KLHL6: variants seen among roughly 807,000 people sequenced by gnomAD.
KLHL6 encodes the protein kelch-like protein 6.
KLHL6 carries 41 observed loss-of-function variants against 58.6 expected under a neutral mutation model. The observed-to-expected ratio is 0.70, with a 90% confidence interval of 0.55 to 0.91. The LOEUF (loss-of-function observed/expected upper bound fraction) is 0.91, where lower values mean the gene tolerates loss of function less well. Ranked by LOEUF, KLHL6 falls within the 40% of genes least tolerant of loss-of-function variation. The pLI, the probability that KLHL6 is intolerant of heterozygous loss-of-function variation, is 0.00. For synonymous variants in KLHL6, 338 were observed against 322.7 expected (o/e 1.05, Z -0.51); for missense variants, 714 against 805.6 (o/e 0.89, Z 1.38).
chr3:183,536,023 C>G (rs186261558), intron 1 of KLHL6, among the ~76,000 whole-genome samples: 1 of 152,240 alleles, frequency 6.6e-6, no homozygotes, highest in Non-Finnish European at 1.5e-5. Context: ...ATCTGCCCCC[C>G]TCGGGCTCCC....
chr3:183,507,390 T>C (rs140248611), intron 3 of KLHL6, among the ~76,000 whole-genome samples: 1 of 152,206 alleles, frequency 6.6e-6, no homozygotes, highest in Admixed American at 6.5e-5. Flanking sequence ...GAATAGTGAC[T>C]AGACAGGGCA....
At chr3:183,513,795 T>G (rs575941835) in intron 2 of KLHL6, among the ~76,000 whole-genome samples, 8 of 152,286 alleles carry the variant, frequency 5.3e-5, no homozygotes, top group African/African-American at 1.9e-4. Flanking sequence ...CATGGTTTGC[T>G]GCACCTATCA....
At chr3:183,524,196 G>C (rs1261561939) in intron 2 of KLHL6, among the ~76,000 whole-genome samples, 1 of 152,162 alleles carries the variant, frequency 6.6e-6, no homozygotes, top group Non-Finnish European at 1.5e-5. Context: ...CATTGTCCCA[G>C]GTCCATAGTT....
chr3:183,532,849 G>A (rs912992997), intron 1 of KLHL6, among the ~76,000 whole-genome samples: 6 of 152,176 alleles, frequency 3.9e-5, no homozygotes, highest in Admixed American at 2.0e-4. Context: ...GCAAAGGCAG[G>A]ACTCAAAGAG....
rs1036194364 is a variant in KLHL6, at chr3:183,491,984, G to T, written c.1809C>A (p.Thr603=). The change falls in exon 7 of 7, where the codon ACC becomes ACA. Residue 603 remains threonine (T), a synonymous_variant. Transcript: ENST00000341319. ...GGATGTGGGTGTACGACTTCCTGAT[G>T]GTGACGCTGCCGTGGTGCGACACGC... ...PRGVSHHGSV[T]IRKSYTHIRR... is the part of the protein sequence containing the mutation. 2 of 1,575,980 alleles carry T rather than the reference G, an allele frequency of 1.3e-6. No homozygotes were observed. Among genetic ancestry groups the T allele is most frequent in the African/African-American group, 2.7e-5 (2 of 73,552 alleles).
Position 183,492,729 on chromosome 3 carries a change from G to C in KLHL6, c.1351-22C>G. ...CGGCCTGTAGAGGCACAGGGCACAA[G>C]AAGAAGCTGTCAGTCATGCTGCCCA... is the stretch of plus-strand genomic sequence containing the variant. On this transcript the variant is annotated intron_variant, in intron 5 of 6. Coordinates refer to ENST00000341319, the MANE Select transcript of KLHL6 (RefSeq NM_130446.4). This position sits in a 1 kb window ranked among gnomAD's most constrained non-coding sequence, Gnocchi z 5.9. The C allele has an allele frequency of 6.2e-7, 1 of 1,610,042 alleles. No homozygotes were observed. Among genetic ancestry groups the C allele is most frequent in the East Asian group, 2.2e-5 (1 of 44,888 alleles).
At chr3:183,509,267 A>G (rs1217601175) in intron 2 of KLHL6, among the ~76,000 whole-genome samples, 1 of 152,228 alleles carries the variant, frequency 6.6e-6, no homozygotes, top group Admixed American at 6.5e-5. Flanking sequence ...TAATGAAACA[A>G]TTATGATTCA....
rs369666567 is a variant in KLHL6, at chr3:183,491,951, G to A, written c.1842C>T (p.Ile614=). ...IRKSYTHIRR[I]VPGAVSV ...GTCAGACAGACACTGCTCCGGGCAC[G>A]ATCCTGCGGATGTGGGTGTACGACT... Residue 614 remains isoleucine, a synonymous_variant, in exon 7 of 7, where the codon ATC becomes ATT. Coordinates refer to ENST00000341319, the MANE Select transcript of KLHL6 (RefSeq NM_130446.4). 16 of 1,521,740 alleles carry A rather than the reference G, an allele frequency of 1.1e-5. No homozygotes were observed. In the Admixed American group the frequency reaches 1.1e-4, roughly 10 times the overall value. The allele number at this position is 1,521,740 out of a possible 1,614,324, so 94.3% of individuals were successfully genotyped here.
At chr3:183,530,745 G>A (rs947500832) in intron 1 of KLHL6, among the ~76,000 whole-genome samples, 2 of 152,012 alleles carry the variant, frequency 1.3e-5, no homozygotes, top group African/African-American at 4.8e-5. Context: ...AACTGAAGGG[G>A]AAGAGACAAG....
intron 5 of KLHL6, chr3:183,493,063 C>T (rs949042574): frequency 8.7e-6 from 2 of 230,062 alleles, no homozygotes; most frequent in Admixed American, 1.1e-4. Flanking sequence ...CTCATCCACT[C>T]GAAAAATATT....
chr3:183,529,930 A>T (rs962110744), intron 1 of KLHL6, among the ~76,000 whole-genome samples: 5 of 152,148 alleles, frequency 3.3e-5, no homozygotes, highest in African/African-American at 9.7e-5. Flanking sequence ...TAAGAAGAGG[A>T]ACAGAGACCA....
At chr3:183,519,912 A>AC (rs1433935326) in intron 2 of KLHL6, among the ~76,000 whole-genome samples, 1 of 151,014 alleles carries the variant, frequency 6.6e-6, no homozygotes, top group Non-Finnish European at 1.5e-5. Flanking sequence ...AAAAAAAAAA[A>AC]AAAAACAAGA....
In KLHL6 at chr3:183,490,175, A is replaced by G. The variant is rs986793686; in HGVS notation, c.*1752T>C. 1 of 152,160 alleles carries G rather than the reference A, an allele frequency of 6.6e-6. No individual in the cohort carries two copies. Among genetic ancestry groups the G allele is most frequent in the Non-Finnish European group, 1.5e-5 (1 of 68,034 alleles). The allele number at this position is 152,160 out of a possible 1,614,324, so 9.4% of individuals were successfully genotyped here. On this transcript the variant is annotated 3_prime_UTR_variant, in exon 7 of 7. Coordinates refer to ENST00000341319, the MANE Select transcript of KLHL6 (RefSeq NM_130446.4). The stretch of plus-strand genomic sequence containing the variant: ...GACAGATTCTGTTCTTTAAGTCACA[A>G]TTGAGCTACACTGATCAAAAAACCA...
rs1712116399 is a variant in KLHL6 at position 183,530,401 on chromosome 3, A to T, written c.294-2391T>A. The stretch of plus-strand genomic sequence containing the variant: ...ATCCTTGTTATAAAGTGGCAAAGAA[A>T]GGACTAAACTGTGTTCTGCTGTTTT... On this transcript the variant is annotated intron_variant, in intron 1 of 6. Coordinates refer to ENST00000341319, the MANE Select transcript of KLHL6 (RefSeq NM_130446.4). Among the ~76,000 whole-genome samples the T allele has an allele frequency of 2.0e-5, 3 of 152,222 alleles. No homozygotes were observed. The South Asian group carries it at 6.2e-4, about 32-fold the overall frequency.
chr3:183,535,698 C>A (rs1319039823), intron 1 of KLHL6, among the ~76,000 whole-genome samples: 1 of 152,212 alleles, frequency 6.6e-6, no homozygotes, highest in East Asian at 1.9e-4. Flanking sequence ...TAAATGAAGT[C>A]AATGTGTTTC....
At position 183,489,038 on chromosome 3, in the gene KLHL6, A is replaced by G. The variant is rs1717472013; in HGVS notation, c.*2889T>C. 6.6e-6 allele frequency: 1 copy of G among 152,228 alleles called. No homozygotes were observed. The highest frequency in any genetic ancestry group is 2.1e-4 in the South Asian group (1 of 4,832). 9.4% of individuals were successfully genotyped at this position (152,228 alleles called of 1,614,324 possible). On this transcript the variant is annotated 3_prime_UTR_variant, in exon 7 of 7. Coordinates refer to ENST00000341319, the MANE Select transcript of KLHL6 (RefSeq NM_130446.4). ...AGTAGTCCAGAAACTTGGGTCCTAC[A>G]TTTAGAATCAGGTTTATAGCACAGA...
Position 183,492,756 on chromosome 3 carries a change from A to C in KLHL6, c.1351-49T>G, listed in dbSNP as rs370572216. 9 of 1,562,278 alleles carry C rather than the reference A, an allele frequency of 5.8e-6. No individual in the cohort carries two copies. Among genetic ancestry groups the C allele is most frequent in the African/African-American group, 1.4e-5 (1 of 73,992 alleles). On this transcript the variant is annotated intron_variant, in intron 5 of 6. Transcript: ENST00000341319. The surrounding 1 kb of genome is among the most constrained non-coding windows in gnomAD (Gnocchi z 5.9). The stretch of plus-strand genomic sequence containing the variant: ...AGAAGCTGTCAGTCATGCTGCCCAG[A>C]TTGCTGCAGTAGCTCCCAGGATACA...
intron 3 of KLHL6, among the ~76,000 whole-genome samples, chr3:183,506,644 A>G (rs1718015710): frequency 6.6e-6 from 1 of 152,078 alleles, no homozygotes; most frequent in Admixed American, 6.5e-5. Flanking sequence ...CCTGGGCAAC[A>G]TAGTGAGACC....
chr3:183,529,290 TTAAAA>T (rs1234558140), intron 1 of KLHL6, among the ~76,000 whole-genome samples: 1 of 151,950 alleles, frequency 6.6e-6, no homozygotes, highest in Non-Finnish European at 1.5e-5. Flanking sequence ...ACCCCTGAAC[TTAAAA>T]TAAAAGTTTA....
Sources: allele counts gnomAD v4.1 joint callset (sites outside exome capture counted in the v4.1 genomes callset), GRCh38; gene constraint gnomAD v4.1.1; non-coding constraint Gnocchi (gnomAD v3.1); transcripts MANE v1.5; gene names NCBI Gene and HGNC (gene_info 2026-07-23, HGNC 2026-07-21).